CETN3: variants seen among roughly 807,000 people sequenced by gnomAD.
CETN3 encodes centrin 3.
CETN3 carries 17 observed loss-of-function variants against 20.1 expected under a neutral mutation model. The observed-to-expected ratio is 0.85, with a 90% CI of 0.58 to 1.27. CETN3 has a LOEUF of 1.27. Among genes scored for constraint, CETN3 ranks in the 50% most tolerant of loss-of-function variants. The pLI is 0.00. For missense variants in CETN3, 169 were observed against 191.2 expected, an observed-to-expected ratio of 0.88 and a Z score of 0.69; for synonymous variants, 52 against 59.7, an observed-to-expected ratio of 0.87 and a Z score of 0.59.
At position 90,399,479 on chromosome 5, in the gene CETN3, A is replaced by G. The variant is rs769456168; in HGVS notation, c.339T>C (p.Asp113=). 3.0e-5 allele frequency: 48 copies of G among 1,613,758 alleles called. No homozygotes were observed. Among genetic ancestry groups the G allele is most frequent in the African/African-American group, 5.3e-5 (4 of 74,920 alleles). The change falls in exon 4 of 5, where the codon GAT becomes GAC. Residue 113 remains aspartate (D), a synonymous_variant. Coordinates refer to ENST00000283122, the MANE Select transcript of CETN3 (RefSeq NM_004365.4). ...TCCTCAAGCTTATTTTACCTGAATC[A>G]TCATCATCAAATAGTTTAAATGCCT... ...ILKAFKLFDD[D]DSGKISLRNL... is the part of the protein sequence containing the mutation.
At chr5:90,399,041 T>C (rs1455993535) in intron 4 of CETN3, 7 of 478,566 alleles carry the variant, frequency 1.5e-5, no homozygotes, top group African/African-American at 3.9e-5. Context: ...TTCAAAACAT[T>C]TGAAGGGGAA....
At chr5:90,407,605 A>T in intron 2 of CETN3, 94 bp downstream of exon 2, 2 of 921,810 alleles carry the variant, frequency 2.2e-6, no homozygotes, top group Non-Finnish European at 3.0e-6. Flanking sequence ...AAACCAATTT[A>T]GTTAAAATAA....
chr5:90,395,259 C>G (rs902534752), intron 4 of CETN3, among the ~76,000 whole-genome samples: 10 of 152,092 alleles, frequency 6.6e-5, no homozygotes, highest in African/African-American at 2.2e-4. Flanking sequence ...TATATCAAAA[C>G]AGACACCAGG....
intron 2 of CETN3, among the ~76,000 whole-genome samples, chr5:90,406,856 C>CA (rs1350211555): frequency 7.9e-6 from 1 of 126,010 alleles, no homozygotes; most frequent in Non-Finnish European, 1.6e-5. Context: ...AAAAAAAAAA[C>CA]AAAAAAAACA....
At chr5:90,399,938 A>G (rs938801956) in intron 3 of CETN3, among the ~76,000 whole-genome samples, 2 of 152,208 alleles carry the variant, frequency 1.3e-5, no homozygotes, top group Admixed American at 1.3e-4. Flanking sequence ...CATACCAACA[A>G]AATAATTGGA....
At chr5:90,406,550 A>G (rs1044438854) in intron 2 of CETN3, among the ~76,000 whole-genome samples, 1 of 151,920 alleles carries the variant, frequency 6.6e-6, no homozygotes, top group African/African-American at 2.4e-5. Context: ...GAAAGCAGTT[A>G]GCAAATGAAA....
At chr5:90,402,596 C>A (rs1455069852) in intron 3 of CETN3, among the ~76,000 whole-genome samples, 1 of 152,164 alleles carries the variant, frequency 6.6e-6, no homozygotes, top group Admixed American at 6.5e-5. Flanking sequence ...TCCTCTAGAT[C>A]AGGGATTAAC....
At chr5:90,399,620 T>A in intron 3 of CETN3, 71 bp from the exon 4 acceptor site, 2 of 1,192,324 alleles carry the variant, frequency 1.7e-6, no homozygotes, top group Non-Finnish European at 2.4e-6. Flanking sequence ...TGAAATCAAC[T>A]AAATATTAGA....
At chr5:90,402,131 C>G (rs1290950144) in intron 3 of CETN3, among the ~76,000 whole-genome samples, 1 of 152,210 alleles carries the variant, frequency 6.6e-6, no homozygotes, top group Non-Finnish European at 1.5e-5. Context: ...GGATTACAGG[C>G]ATGAGCCACC....
intron 1 of CETN3, 94 bp downstream of exon 1, chr5:90,409,551 C>G: frequency 6.8e-7 from 1 of 1,472,512 alleles, no homozygotes; most frequent in Non-Finnish European, 9.5e-7. Context: ...CATCCCCTGC[C>G]TCGCCTCGGC....
intron 2 of CETN3, among the ~76,000 whole-genome samples, chr5:90,406,620 T>C (rs1215815661): frequency 6.6e-6 from 1 of 151,586 alleles, no homozygotes; most frequent in Non-Finnish European, 1.5e-5. Context: ...AATCTGAACT[T>C]TAAGTAGTAT....
chr5:90,402,130 G>A (rs1272432801), intron 3 of CETN3, among the ~76,000 whole-genome samples: 6 of 152,134 alleles, frequency 3.9e-5, no homozygotes, highest in Non-Finnish European at 8.8e-5. Context: ...GGGATTACAG[G>A]CATGAGCCAC....
chr5:90,403,875 GAAAAAAAA>G (rs60385437), intron 3 of CETN3, among the ~76,000 whole-genome samples: 30 of 86,732 alleles, frequency 3.5e-4, no homozygotes, highest in African/African-American at 5.1e-4. Flanking sequence ...TGTCTCAAAA[GAAAAAAAA>G]AAAAAAAAAA....
At chr5:90,408,104 T>C (rs142607105) in intron 1 of CETN3, among the ~76,000 whole-genome samples, 123 of 152,284 alleles carry the variant, frequency 8.1e-4, no homozygotes, top group African/African-American at 2.9e-3. Flanking sequence ...CCACTAATGT[T>C]ACTGTGGAAG....
intron 3 of CETN3, among the ~76,000 whole-genome samples, chr5:90,401,401 T>G (rs1749286237): frequency 1.3e-5 from 2 of 152,164 alleles, no homozygotes; most frequent in African/African-American, 4.8e-5. Flanking sequence ...ATAGAGGCAG[T>G]TAAGGTGGGT....
chr5:90,404,712 C>T (rs984555551), intron 3 of CETN3, among the ~76,000 whole-genome samples: 1 of 151,976 alleles, frequency 6.6e-6, no homozygotes, highest in Non-Finnish European at 1.5e-5. Context: ...ATTTTCTCTG[C>T]GTCTACTAAT....
rs766728605 is a variant in CETN3 at position 90,405,841 on chromosome 5, T to C, written c.154-42A>G. ...GAAAAGCAAATTATAAAGCACTCTT[T>C]ACAAAAGAATTTCTAATTATTAAGT... On this transcript the variant is annotated intron_variant, in intron 2 of 4. Coordinates refer to ENST00000283122, the MANE Select transcript of CETN3 (RefSeq NM_004365.4). 72 of 1,180,168 alleles carry C rather than the reference T, an allele frequency of 6.1e-5. No individual in the cohort carries two copies. The Middle Eastern group carries it at 5.9e-3, about 97-fold the overall frequency. 73.1% of individuals were successfully genotyped at this position (1,180,168 alleles called of 1,614,324 possible).
intron 2 of CETN3, among the ~76,000 whole-genome samples, chr5:90,406,631 A>C (rs1749451348): frequency 6.6e-6 from 1 of 151,742 alleles, no homozygotes; most frequent in African/African-American, 2.4e-5. Context: ...TAAGTAGTAT[A>C]CAATGAGGAG....
rs112616490 is a variant in CETN3 at position 90,397,427 on chromosome 5, C to T, written c.460+1931G>A. On this transcript the variant is annotated intron_variant, in intron 4 of 4. Coordinates refer to ENST00000283122, the MANE Select transcript of CETN3 (RefSeq NM_004365.4). ...ATATGACACTTTGTTTCCTTTTATA[C>T]TGCCTTCTTTAACAAAATTTTTCAT... 2.5e-3 allele frequency among the ~76,000 whole-genome samples: 376 copies of T among 152,112 alleles called. 3 individuals carry two copies. The highest frequency in any genetic ancestry group is 8.4e-3 in the African/African-American group (349 of 41,528).
Sources: allele counts gnomAD v4.1 joint callset (sites outside exome capture counted in the v4.1 genomes callset), GRCh38; gene constraint gnomAD v4.1.1; transcripts MANE v1.5; gene names NCBI Gene and HGNC (gene_info 2026-07-23, HGNC 2026-07-21).